DST: variants seen among roughly 807,000 people sequenced by gnomAD.
DST encodes bullous pemphigoid antigen.
A neutral mutation model predicts 875.2 loss-of-function variants in DST; 253 were observed. The observed-to-expected ratio is 0.29, with a 90% CI of 0.26 to 0.32. The LOEUF (loss-of-function observed/expected upper bound fraction) is 0.32. DST is among the 10% of genes least tolerant of loss of function. The pLI is 1.00. For synonymous variants in DST, 3,124 were observed against 3,197.1 expected (o/e 0.98, Z 0.77); for missense variants, 8,287 against 9,111.6 (o/e 0.91, Z 3.68).
At chr6:56,528,976 C>T in intron 66 of DST, 51 bp from the exon 67 acceptor site, 2 of 1,127,412 alleles carry the variant, frequency 1.8e-6, no homozygotes, top group South Asian at 1.4e-5. Flanking sequence ...TTTAAGTTAG[C>T]ATTAACATTA....
At chr6:56,778,895 A>G (rs2099685694) in intron 4 of DST, among the ~76,000 whole-genome samples, 1 of 152,022 alleles carries the variant, frequency 6.6e-6, no homozygotes. Context: ...TTGGGTATAT[A>G]CCCAGTAATG....
intron 46 of DST, among the ~76,000 whole-genome samples, chr6:56,598,231 T>C (rs1439273228): frequency 1.3e-5 from 2 of 152,350 alleles, no homozygotes; most frequent in East Asian, 1.9e-4. Flanking sequence ...CTATAATTGA[T>C]GAGTGATCAC....
Position 56,524,237 on chromosome 6 carries a change from C to T in DST, c.18129+2124G>A, listed in dbSNP as rs551747392. Among the ~76,000 whole-genome samples, 3 of 151,880 alleles carry T rather than the reference C, an allele frequency of 2.0e-5. No individual in the cohort carries two copies. In the South Asian group the frequency reaches 6.2e-4, roughly 32 times the overall value. On this transcript the variant is annotated intron_variant, in intron 69 of 103. Coordinates refer to ENST00000680361, the MANE Select transcript of DST (RefSeq NM_001374736.1). ...TTATCTTTTAAGTGCAAAATCTCTGCCACACCAGGAAGACAGGTACCTACT... is the reference window on the plus strand; with the variant it reads ...TTATCTTTTAAGTGCAAAATCTCTGTCACACCAGGAAGACAGGTACCTACT...
rs748260991 is a variant in DST at position 56,475,764 on chromosome 6, C to G, written c.21864+385G>C. The stretch of plus-strand genomic sequence containing the variant: ...ATACCTTAATGTGGGTACCTTGTAC[C>G]CACTGAAGCCAGGGAGGTGGAGGTG... On this transcript the variant is annotated intron_variant, in intron 92 of 103. Coordinates refer to ENST00000680361, the MANE Select transcript of DST (RefSeq NM_001374736.1). Among the ~76,000 whole-genome samples the G allele has an allele frequency of 9.5e-4, 145 of 151,990 alleles. 4 individuals carry two copies. The highest frequency in any genetic ancestry group is 2.1e-4 in the Non-Finnish European group (14 of 68,002).
chr6:56,715,832 C>T (rs534636063), intron 5 of DST, among the ~76,000 whole-genome samples: 1 of 152,172 alleles, frequency 6.6e-6, no homozygotes, highest in Non-Finnish European at 1.5e-5. Flanking sequence ...GGCCATTGTT[C>T]TTTAAGCTCA....
chr6:56,477,495 CA>C lies in DST; in HGVS notation c.21532-8del. 6.2e-7 allele frequency: 1 copy of C among 1,613,808 alleles called. No individual in the cohort carries two copies. Among genetic ancestry groups the C allele is most frequent in the Non-Finnish European group, 8.5e-7 (1 of 1,179,802 alleles). ...CCAGTTTCTTCATGAATTCCTACAG[CA>C]GAAACAAAGACTTCAATTAACTGTT... is the stretch of plus-strand genomic sequence containing the variant. On this transcript the variant is annotated splice_polypyrimidine_tract_variant and splice_region_variant and intron_variant, in intron 90 of 103. Coordinates refer to ENST00000680361, the MANE Select transcript of DST (RefSeq NM_001374736.1).
chr6:56,539,143 G>A (rs976576152), intron 61 of DST, among the ~76,000 whole-genome samples: 1 of 152,024 alleles, frequency 6.6e-6, no homozygotes, highest in Admixed American at 6.6e-5. Context: ...TAACAATAAT[G>A]TTCTATTAAA....
intron 5 of DST, among the ~76,000 whole-genome samples, chr6:56,725,391 T>TG (rs774018054): frequency 1.3e-5 from 2 of 152,204 alleles, no homozygotes; most frequent in Non-Finnish European, 2.9e-5. Context: ...ATGGCTAATG[T>TG]GCTCTATCAT....
chr6:56,589,473 A>G (rs1274904524), intron 49 of DST, among the ~76,000 whole-genome samples: 2 of 152,260 alleles, frequency 1.3e-5, no homozygotes, highest in African/African-American at 4.8e-5. Flanking sequence ...AAGACATGAA[A>G]GAAGGATCTG....
Position 56,607,018 on chromosome 6 carries a change from G to A in DST, c.7610C>T (p.Thr2537Ile). The change falls in exon 40 of 104, where the codon ACA (threonine) becomes ATA (isoleucine). Residue 2537 changes from threonine to isoleucine, a missense_variant. Around this residue, in one of 10 missense-constraint regions of DST, gnomAD observed 3,138 missense variants for 3,116.6 expected, o/e 1.01. Transcript: ENST00000680361. ...ISNTSGEDEK[T>I]HPGFQQMPED... Reference sequence around the variant, plus strand: ...AGGCATCTGCTGAAAACCTGGATGTGTTTTTTCATCCTCACCAGAAGTATT... The same window carrying A: ...AGGCATCTGCTGAAAACCTGGATGTATTTTTTCATCCTCACCAGAAGTATT... 6.2e-7 allele frequency: 1 copy of A among 1,613,330 alleles called. No individual in the cohort carries two copies. The highest frequency in any genetic ancestry group is 8.5e-7 in the Non-Finnish European group (1 of 1,179,582).
At position 56,552,094 on chromosome 6, in the gene DST, A is replaced by G; in HGVS notation, c.16608+90T>C. 2.2e-6 allele frequency: 3 copies of G among 1,370,788 alleles called. 1 individual carries two copies. The highest frequency in any genetic ancestry group is 4.6e-5 in the East Asian group (2 of 43,412). 84.9% of individuals were successfully genotyped at this position (1,370,788 alleles called of 1,614,324 possible). Reference sequence around the variant, plus strand: ...ATATTGTATGACAATCATTATTAAAAAGTTCTACAAAATAGGCAATCTCCT... The same window carrying G: ...ATATTGTATGACAATCATTATTAAAGAGTTCTACAAAATAGGCAATCTCCT... On this transcript the variant is annotated intron_variant, in intron 61 of 103. Transcript: ENST00000680361.
At chr6:56,559,852 T>C (rs1439877135) in intron 58 of DST, among the ~76,000 whole-genome samples, 1 of 151,960 alleles carries the variant, frequency 6.6e-6, no homozygotes, top group Non-Finnish European at 1.5e-5. Context: ...GGGAAGAGCA[T>C]AAGAGCATAA....
intron 4 of DST, among the ~76,000 whole-genome samples, chr6:56,752,011 T>C (rs555047609): frequency 2.0e-5 from 3 of 152,292 alleles, no homozygotes; most frequent in South Asian, 2.1e-4. Context: ...ACAACTCTTA[T>C]GAAGCTTAGA....
In DST at chr6:56,685,067, TCAATAACG is replaced by T. The variant is rs563536439; in HGVS notation, c.1048-14268_1048-14261del. On this transcript the variant is annotated intron_variant, in intron 9 of 103. Transcript: ENST00000680361. ...TTCCTCTCTCATATCAGAGTTACTC[TCAATAACG>T]CTTTTGAAATGTATCTGTACTAGTG... is the stretch of plus-strand genomic sequence containing the variant. 6.6e-3 allele frequency among the ~76,000 whole-genome samples: 947 copies of T among 143,770 alleles called. 3 individuals are homozygous for T. The highest frequency in any genetic ancestry group is 0.011 in the Non-Finnish European group (729 of 66,860). 94.3% of individuals were successfully genotyped at this position (143,770 alleles called of 152,430 possible).
At position 56,670,821 on chromosome 6, in the gene DST, A is replaced by G. The variant is rs758317606; in HGVS notation, c.1048-14T>C. On this transcript the variant is annotated splice_polypyrimidine_tract_variant and intron_variant, in intron 9 of 103. Transcript: ENST00000680361. ...GATATCAGATATCTAGATATAACAG[A>G]AAGTGTTAAACCTTTAGGAAGGAAG... The G allele has an allele frequency of 8.9e-6, 14 of 1,564,400 alleles. No individual in the cohort carries two copies. Among genetic ancestry groups the G allele is most frequent in the South Asian group, 8.5e-5 (7 of 82,742 alleles).
intron 4 of DST, among the ~76,000 whole-genome samples, chr6:56,803,928 A>G (rs531289189): frequency 4.6e-5 from 7 of 152,344 alleles, no homozygotes; most frequent in African/African-American, 1.7e-4. Flanking sequence ...TTCCCATCAC[A>G]TAAATGAAAG....
In DST at chr6:56,475,396, C is replaced by A. The variant is rs1379245907; in HGVS notation, c.21864+753G>T. ...TTGATGTCTTATTAGGCTTTTAAAA[C>A]ACACACACACACACACACACACACA... On this transcript the variant is annotated intron_variant, in intron 92 of 103. Coordinates refer to ENST00000680361, the MANE Select transcript of DST (RefSeq NM_001374736.1). Among the ~76,000 whole-genome samples, 3 of 67,900 alleles carry A rather than the reference C, an allele frequency of 4.4e-5. No homozygotes were observed. The Admixed American group carries it at 4.8e-4, about 11-fold the overall frequency. The allele number at this position is 67,900 out of a possible 152,430, so 44.5% of individuals were successfully genotyped here.
At position 56,603,375 on chromosome 6, in the gene DST, C is replaced by A; in HGVS notation, c.10987G>T (p.Asp3663Tyr). ...AAAAACTCTTCTGCCAACTTCATAT[C>A]TTTTCTTAAAATAACAGCAATTGGA... is the stretch of plus-strand genomic sequence containing the variant. ...LAPIAVILRKDMKLAEEFLKS... is the reference protein window; with the variant it reads ...LAPIAVILRKYMKLAEEFLKS... Residue 3663 changes from aspartate (D) to tyrosine (Y), a missense_variant, in exon 42 of 104, where the codon GAT (aspartate) becomes TAT (tyrosine). Asp to Tyr is a radical substitution (Grantham distance 160). Around this residue, in one of 10 missense-constraint regions of DST, gnomAD observed 3,138 missense variants for 3,116.6 expected, o/e 1.01. Coordinates refer to ENST00000680361, the MANE Select transcript of DST (RefSeq NM_001374736.1). 2.5e-6 allele frequency: 4 copies of A among 1,610,974 alleles called. No individual in the cohort carries two copies. Among genetic ancestry groups the A allele is most frequent in the African/African-American group, 1.3e-5 (1 of 74,972 alleles).
At chr6:56,655,160 C>CAAAAAAAAAAAAAAAAAAAA (rs11365303) in intron 10 of DST, among the ~76,000 whole-genome samples, 1 of 57,344 alleles carries the variant, frequency 1.7e-5, no homozygotes, top group Non-Finnish European at 4.0e-5. Context: ...GACTTTGCCT[C>CAAAAAAAAAAAAAAAAAAAA]AAAAAAAAAA....
Sources: gnomAD v4.1 joint callset for allele counts (sites outside exome capture counted in the v4.1 genomes callset) on GRCh38, gnomAD v4.1.1 for gene constraint, gnomAD v4.1.1 regional missense constraint, MANE v1.5 for transcripts, NCBI Gene and HGNC (gene_info 2026-07-23, HGNC 2026-07-21) for gene names.